The following PCDHGA4 variants were observed in gnomAD, a reference collection of about 807,000 sequenced individuals.
The protein encoded by PCDHGA4 is protocadherin gamma subfamily A, 4.
In PCDHGA4, 38 loss-of-function variants were observed where a neutral mutation model predicts 54.6. That is an observed-to-expected ratio of 0.70 (90% CI 0.54 to 0.91). PCDHGA4 has a LOEUF of 0.91. Among genes scored for constraint, PCDHGA4 ranks in the 40% least tolerant of loss-of-function variants. The pLI, the probability that PCDHGA4 is intolerant of heterozygous loss-of-function variation, is 0.00. For missense variants in PCDHGA4, 1,298 were observed against 1,220.9 expected (o/e 1.06, Z -0.94); for synonymous variants, 511 against 512.9 (o/e 1.00, Z 0.05).
chr5:141,427,840 A>G (rs779622800), intron 1 of PCDHGA4: 1 of 1,548,180 alleles, frequency 6.5e-7, no homozygotes, highest in Non-Finnish European at 8.8e-7. Flanking sequence ...CGTGCCTTCG[A>G]CCACGAGCAG....
In PCDHGA4 at chr5:141,432,512, G is replaced by A. The variant is rs751785850; in HGVS notation, c.2515-62295G>A. ...GCTGGCTCCCCGCTCCGCAGAGCCC[G>A]GCTACCTGGTGACCAAGGTGGTGGC... On this transcript the variant is annotated intron_variant, in intron 1 of 3. Transcript: ENST00000571252. The surrounding 1 kb of genome is among the most constrained non-coding windows in gnomAD (Gnocchi z 6.0). 3 of 1,614,108 alleles carry A rather than the reference G, an allele frequency of 1.9e-6. No homozygotes were observed. Among genetic ancestry groups the A allele is most frequent in the Non-Finnish European group, 2.5e-6 (3 of 1,180,030 alleles).
chr5:141,416,859 G>A (rs1411419006), intron 1 of PCDHGA4: 1 of 151,936 alleles, frequency 6.6e-6, no homozygotes, highest in South Asian at 2.1e-4. Context: ...ATTTTTTTCA[G>A]GTCAGTCAAC....
intron 2 of PCDHGA4, among the ~76,000 whole-genome samples, chr5:141,498,024 A>G (rs1455238086): frequency 6.6e-6 from 1 of 152,200 alleles, no homozygotes; most frequent in East Asian, 1.9e-4. Flanking sequence ...GGAGACAAAT[A>G]TTGACCAAAT....
At chr5:141,448,000 C>T (rs1363676731) in intron 1 of PCDHGA4, among the ~76,000 whole-genome samples, 3 of 151,840 alleles carry the variant, frequency 2.0e-5, no homozygotes, top group Non-Finnish European at 4.4e-5. Flanking sequence ...GCATGAGAAT[C>T]GCTTGAACCC....
intron 1 of PCDHGA4, chr5:141,408,955 TA>T: frequency 2.5e-6 from 4 of 1,613,616 alleles, no homozygotes; most frequent in Non-Finnish European, 3.4e-6. Flanking sequence ...GAATTAGTCT[TA>T]GTGAAAATCT....
At chr5:141,379,767 A>G (rs1366813038) in intron 1 of PCDHGA4, 3 of 152,120 alleles carry the variant, frequency 2.0e-5, no homozygotes, top group Non-Finnish European at 4.4e-5. Context: ...CCTGCAATAC[A>G]GATCATTAAT....
Position 141,357,475 on chromosome 5 carries a change from C to T in PCDHGA4, c.2368C>T (p.Leu790Phe). Residue 790 changes from leucine to phenylalanine, a missense_variant, in exon 1 of 4, where the codon CTC becomes TTC. Coordinates refer to ENST00000571252, the MANE Select transcript of PCDHGA4 (RefSeq NM_018917.4). ...GCAGACCTATTCCCACGAGGTCTCC[C>T]TCACCGCGGACTCGCGGAAGAGTCA... ...FLQTYSHEVS[L>F]TADSRKSHLI... 1.2e-6 allele frequency: 2 copies of T among 1,614,236 alleles called. No homozygotes were observed. Among genetic ancestry groups the T allele is most frequent in the Non-Finnish European group, 1.7e-6 (2 of 1,180,044 alleles).
intron 2 of PCDHGA4, among the ~76,000 whole-genome samples, chr5:141,500,838 GGCTTTT>G (rs2099802886): frequency 6.6e-6 from 1 of 151,878 alleles, no homozygotes. Flanking sequence ...AATGCTAATG[GGCTTTT>G]GCTACATTAG....
chr5:141,494,194 G>A (rs1446357035), intron 1 of PCDHGA4, among the ~76,000 whole-genome samples: 2 of 152,182 alleles, frequency 1.3e-5, no homozygotes, highest in Non-Finnish European at 2.9e-5. Flanking sequence ...GGACTTGGAT[G>A]CCCCGCAAAG....
Position 141,366,742 on chromosome 5 carries a change from G to A in PCDHGA4, c.2514+9121G>A, listed in dbSNP as rs762560261. ...AGGTAGATGCAAACAAAGAAGAACGGCGAGTTCAGGTTAGTTTTCTCTTTC... is the reference window on the plus strand; with the variant it reads ...AGGTAGATGCAAACAAAGAAGAACGACGAGTTCAGGTTAGTTTTCTCTTTC... On this transcript the variant is annotated intron_variant, in intron 1 of 3. Transcript: ENST00000571252. 3 of 1,611,864 alleles carry A rather than the reference G, an allele frequency of 1.9e-6. No homozygotes were observed. The East Asian group carries it at 6.7e-5, about 36-fold the overall frequency.
rs2099388776 is a variant in PCDHGA4, at chr5:141,476,308, C to T, written c.2515-18499C>T. On this transcript the variant is annotated intron_variant, in intron 1 of 3. Coordinates refer to ENST00000571252, the MANE Select transcript of PCDHGA4 (RefSeq NM_018917.4). The surrounding 1 kb of genome is among the most constrained non-coding windows in gnomAD (Gnocchi z 7.6). ...TGGATCTCGGTAGCCTCTCAGCCCG[C>T]AGGTTCCGGGTGGTGTCTGGAGCTA... The T allele has an allele frequency of 1.2e-6, 2 of 1,613,750 alleles. No individual in the cohort carries two copies. The highest frequency in any genetic ancestry group is 2.7e-5 in the African/African-American group (2 of 74,806).
chr5:141,372,008 C>T, intron 1 of PCDHGA4: 3 of 1,613,290 alleles, frequency 1.9e-6, no homozygotes, highest in African/African-American at 1.3e-5. Flanking sequence ...GCGACCAGGG[C>T]TCGCCTACGC....
Position 141,491,916 on chromosome 5 carries a change from G to T in PCDHGA4, c.2515-2891G>T. ...GAGCACCGGGGGTGGTGGCGACTGT[G>T]GGCGAGGGGAGGTGGGACCGACCCC... On this transcript the variant is annotated intron_variant, in intron 1 of 3. Transcript: ENST00000571252. The surrounding 1 kb of genome is among the most constrained non-coding windows in gnomAD (Gnocchi z 6.9). 2 of 1,386,662 alleles carry T rather than the reference G, an allele frequency of 1.4e-6. No homozygotes were observed. Among genetic ancestry groups the T allele is most frequent in the African/African-American group, 1.5e-5 (1 of 68,510 alleles). The allele number at this position is 1,386,662 out of a possible 1,614,324, so 85.9% of individuals were successfully genotyped here.
In PCDHGA4 at chr5:141,418,939, C is replaced by T. The variant is rs766248741; in HGVS notation, c.2514+61318C>T. The T allele has an allele frequency of 8.7e-6, 14 of 1,613,642 alleles. No individual in the cohort carries two copies. In the African/African-American group the frequency reaches 1.7e-4, roughly 20 times the overall value. On this transcript the variant is annotated intron_variant, in intron 1 of 3. Transcript: ENST00000571252. ...TCTCTGATCAGATTATGGAGGATTC[C>T]CCTCCAGGAGTGGTTGTTGCCCTCT...
At position 141,362,048 on chromosome 5, in the gene PCDHGA4, C is replaced by T. The variant is rs764745412; in HGVS notation, c.2514+4427C>T. 7 of 1,610,984 alleles carry T rather than the reference C, an allele frequency of 4.3e-6. No individual in the cohort carries two copies. The African/African-American group carries it at 9.4e-5, about 22-fold the overall frequency. ...CGTGCCTTGGGCGACAGGGACGCGG[C>T]CCGCCAGCGCCTGCTGGTCGCTGTG... On this transcript the variant is annotated intron_variant, in intron 1 of 3. Transcript: ENST00000571252.
Position 141,504,677 on chromosome 5 carries a change from T to C in PCDHGA4, c.2574-716T>C, listed in dbSNP as rs552242248. 4.7e-5 allele frequency among the ~76,000 whole-genome samples: 7 copies of C among 147,580 alleles called. No homozygotes were observed. In the East Asian group the frequency reaches 1.5e-3, roughly 31 times the overall value. ...TTTGAGGGCGGGGGGTGGGGGTTCT[T>C]GTAAAATAGGAGGGGCAGGTTCTTC... On this transcript the variant is annotated intron_variant, in intron 2 of 3. Transcript: ENST00000571252.
intron 3 of PCDHGA4, 137 bp from the exon 4 acceptor site, chr5:141,510,810 A>T: frequency 6.6e-7 from 1 of 1,519,768 alleles, no homozygotes; most frequent in African/African-American, 1.4e-5. Context: ...TACCTTGGTG[A>T]CCCCTATATT....
intron 1 of PCDHGA4, chr5:141,430,849 G>A: frequency 6.3e-7 from 1 of 1,582,030 alleles, no homozygotes; most frequent in Non-Finnish European, 8.6e-7. Flanking sequence ...GATGCACCCA[G>A]ATACGCTATT....
intron 1 of PCDHGA4, chr5:141,398,884 G>C: frequency 6.2e-7 from 1 of 1,613,952 alleles, no homozygotes; most frequent in Non-Finnish European, 8.5e-7. Flanking sequence ...CAGCCTTCGG[G>C]AAAACGTGCC....
Sources: gnomAD v4.1 joint callset for allele counts (sites outside exome capture counted in the v4.1 genomes callset) on GRCh38, gnomAD v4.1.1 for gene constraint, Gnocchi (gnomAD v3.1) non-coding constraint, MANE v1.5 for transcripts, NCBI Gene and HGNC (gene_info 2026-07-23, HGNC 2026-07-21) for gene names.